PLEKHD1: variants seen among roughly 807,000 people sequenced by gnomAD.
PLEKHD1 encodes the protein pleckstrin homology and coiled-coil domain containing D1.
In PLEKHD1, 51 loss-of-function variants were observed where a neutral mutation model predicts 69.2. The observed-to-expected ratio is 0.74, with a 90% CI of 0.59 to 0.93. The LOEUF (loss-of-function observed/expected upper bound fraction) is 0.93. PLEKHD1 is among the 40% of genes least tolerant of loss of function. The probability of loss-of-function intolerance (pLI) is 0.00; values close to 1 mark genes in which losing one functional copy is unlikely to be tolerated. For missense variants in PLEKHD1, 584 were observed against 641.0 expected (o/e 0.91, Z 0.96); for synonymous variants, 236 against 244.7 (o/e 0.96, Z 0.33).
intron 4 of PLEKHD1, 121 bp downstream of exon 4, chr14:69,501,068 T>C (rs1207380660): frequency 1.3e-5 from 14 of 1,058,206 alleles, no homozygotes; most frequent in Non-Finnish European, 1.8e-5. Flanking sequence ...CTGTGGGAGA[T>C]GGCTAGGGTA....
upstream of PLEKHD1, among the ~76,000 whole-genome samples, chr14:69,482,549 C>T (rs1882561230): frequency 6.6e-6 from 1 of 152,172 alleles, no homozygotes; most frequent in South Asian, 2.1e-4. Context: ...CTACTAGGAG[C>T]CCACCTCCCC....
At chr14:69,494,959 C>T (rs1291955892) in intron 1 of PLEKHD1, among the ~76,000 whole-genome samples, 1 of 152,142 alleles carries the variant, frequency 6.6e-6, no homozygotes, top group African/African-American at 2.4e-5. Context: ...GCCAGGCCAT[C>T]GTCCTCCTCC....
intron 1 of PLEKHD1, among the ~76,000 whole-genome samples, chr14:69,499,641 T>A (rs1433317690): frequency 1.3e-5 from 2 of 152,214 alleles, no homozygotes; most frequent in African/African-American, 4.8e-5. Context: ...ACAAACGGAA[T>A]GCCAATGTCA....
chr14:69,517,150 AT>A (rs1162006136), intron 6 of PLEKHD1, among the ~76,000 whole-genome samples: 1 of 151,976 alleles, frequency 6.6e-6, no homozygotes, highest in Non-Finnish European at 1.5e-5. Flanking sequence ...GTGGGGGGCA[AT>A]ACGAACTGGA....
chr14:69,499,321 CAGCACTTATT>C (rs1882969918), intron 1 of PLEKHD1, among the ~76,000 whole-genome samples: 1 of 152,046 alleles, frequency 6.6e-6, no homozygotes, highest in South Asian at 2.1e-4. Flanking sequence ...GTCACTACAA[CAGCACTTATT>C]AGCAGGGGCC....
intron 6 of PLEKHD1, 107 bp from the exon 7 acceptor site, chr14:69,522,176 C>G (rs1883530522): frequency 1.0e-6 from 1 of 1,004,634 alleles, no homozygotes; most frequent in Non-Finnish European, 1.5e-6. Context: ...AGCACATGAC[C>G]CAGGCTGTGC....
intron 1 of PLEKHD1, among the ~76,000 whole-genome samples, chr14:69,485,957 G>A (rs1412128981): frequency 6.6e-6 from 1 of 152,226 alleles, no homozygotes; most frequent in Non-Finnish European, 1.5e-5. Flanking sequence ...GAGGGAAGAG[G>A]GAGTTCACAG....
intron 6 of PLEKHD1, among the ~76,000 whole-genome samples, chr14:69,509,229 T>C (rs1165893283): frequency 6.6e-6 from 1 of 152,214 alleles, no homozygotes; most frequent in Non-Finnish European, 1.5e-5. Flanking sequence ...ATTGTTGAGC[T>C]TCATGAGTTC....
intron 6 of PLEKHD1, among the ~76,000 whole-genome samples, chr14:69,504,964 G>GGA (rs1455292197): frequency 6.6e-6 from 1 of 152,218 alleles, no homozygotes; most frequent in Non-Finnish European, 1.5e-5. Flanking sequence ...CCACTGGCAG[G>GGA]GAGAGAGACA....
At chr14:69,489,857 T>TTTTGTTTG (rs61589610) in intron 1 of PLEKHD1, among the ~76,000 whole-genome samples, 2 of 151,294 alleles carry the variant, frequency 1.3e-5, no homozygotes, top group East Asian at 1.9e-4. Context: ...TATATATATT[T>TTTTGTTTG]TTTGTTTGTT....
rs982335044 is a variant in PLEKHD1 at position 69,484,944 on chromosome 14, G to A, written c.-22G>A. 4.8e-5 allele frequency: 75 copies of A among 1,547,974 alleles called. No homozygotes were observed. Among genetic ancestry groups the A allele is most frequent in the Non-Finnish European group, 5.9e-5 (68 of 1,144,864 alleles). On this transcript the variant is annotated 5_prime_UTR_variant, in exon 1 of 13. Transcript: ENST00000322564. ...CCCCGGGGAGGTGGGGTCCGGGCCG[G>A]GCACAGCCCCGCTGAGGCAGGATGT... is the stretch of plus-strand genomic sequence containing the variant.
At position 69,489,331 on chromosome 14, in the gene PLEKHD1, G is replaced by T. The variant is rs1882721902; in HGVS notation, c.149+4217G>T. ...TCCAGCACTTTGGGAGTCCAAGGTG[G>T]GTGGATCACTTGAGGTCAGGAGTTG... On this transcript the variant is annotated intron_variant, in intron 1 of 12. Coordinates refer to ENST00000322564, the MANE Select transcript of PLEKHD1 (RefSeq NM_001161498.2). Among the ~76,000 whole-genome samples, 7 of 152,100 alleles carry T rather than the reference G, an allele frequency of 4.6e-5. No individual in the cohort carries two copies. The South Asian group carries it at 1.5e-3, about 32-fold the overall frequency.
Position 69,529,606 on chromosome 14 carries a change from A to C in PLEKHD1, c.*1187A>C, listed in dbSNP as rs963387798. 6.6e-6 allele frequency: 1 copy of C among 152,076 alleles called. No homozygotes were observed. The highest frequency in any genetic ancestry group is 2.4e-5 in the African/African-American group (1 of 41,354). The allele number at this position is 152,076 out of a possible 1,614,324, so 9.4% of individuals were successfully genotyped here. A position where few individuals can be genotyped will look rare whatever the true frequency, so the allele number is the denominator to read the frequency against. ...GAAGGAAAGTCACTCTGGTTCCTGC[A>C]TTATGTACTTCTGGTTGCGCAGGGA... is the stretch of plus-strand genomic sequence containing the variant. On this transcript the variant is annotated 3_prime_UTR_variant, in exon 13 of 13. Transcript: ENST00000322564.
At chr14:69,524,393 T>C (rs1322395277) in intron 8 of PLEKHD1, 71 bp downstream of exon 8, 3 of 1,302,240 alleles carry the variant, frequency 2.3e-6, no homozygotes, top group East Asian at 5.0e-5. Flanking sequence ...CACTGTTTTT[T>C]CCAGCAGTGT....
chr14:69,472,861 C>T, the PLEKHD1 span, among the ~76,000 whole-genome samples: 5 of 152,116 alleles, frequency 3.3e-5, no homozygotes, highest in African/African-American at 4.8e-5. Flanking sequence ...AGGAGGTGAG[C>T]GGCAGGTGAA....
chr14:69,528,305 G>A lies in PLEKHD1; in HGVS notation c.1407G>A (p.Glu469=), dbSNP rs115795231. ...AGCTGGATGCCAACAACATGGAGGA[G>A]CTAAAGGAGGTGGCCAAGCGGCTCA... is the stretch of plus-strand genomic sequence containing the variant. ...TSQLDANNME[E]LKEVAKRLSR... Residue 469 remains glutamate, a synonymous_variant, in exon 13 of 13, where the codon GAG becomes GAA. Coordinates refer to ENST00000322564, the MANE Select transcript of PLEKHD1 (RefSeq NM_001161498.2). 7.3e-4 allele frequency: 1,127 copies of A among 1,551,740 alleles called. 12 individuals are homozygous for A. In the African/African-American group the frequency reaches 0.014, roughly 20 times the overall value.
Position 69,501,816 on chromosome 14 carries a change from G to A in PLEKHD1, c.493G>A (p.Glu165Lys). 6 of 1,551,068 alleles carry A rather than the reference G, an allele frequency of 3.9e-6. No homozygotes were observed. Among genetic ancestry groups the A allele is most frequent in the Non-Finnish European group, 4.4e-6 (5 of 1,146,540 alleles). Residue 165 changes from glutamate to lysine, a missense_variant, in exon 5 of 13, where the codon GAG becomes AAG. By Grantham distance (56) the Glu-to-Lys change is moderately conservative. Coordinates refer to ENST00000322564, the MANE Select transcript of PLEKHD1 (RefSeq NM_001161498.2). ...GCTGCAGTTGGCTAAGGAAAAGCAG[G>A]AGTATTTAGGTTGGCTGGAGGGGTG... is the stretch of plus-strand genomic sequence containing the variant. ...QGLQLAKEKQ[E>K]YLDKLMEETE... is the part of the protein sequence containing the mutation.
chr14:69,525,903 C>A (rs567771574), intron 8 of PLEKHD1, 41 bp from the exon 9 acceptor site: 83 of 1,530,140 alleles, frequency 5.4e-5, no homozygotes, highest in Non-Finnish European at 7.1e-5. Flanking sequence ...GATGGAGAAC[C>A]TAAATTGGGC....
intron 1 of PLEKHD1, among the ~76,000 whole-genome samples, chr14:69,498,062 T>TTTTA (rs1246218557): frequency 5.0e-4 from 53 of 106,946 alleles, no homozygotes; most frequent in South Asian, 9.0e-4. Flanking sequence ...ATTTTATTTA[T>TTTTA]TTTATTTTAT....
Sources: gnomAD v4.1 joint callset for allele counts (sites outside exome capture counted in the v4.1 genomes callset) on GRCh38, gnomAD v4.1.1 for gene constraint, MANE v1.5 for transcripts, NCBI Gene and HGNC (gene_info 2026-07-23, HGNC 2026-07-21) for gene names.